The following CPLANE1 variants were observed in gnomAD, a reference collection of about 807,000 sequenced individuals.
CPLANE1 encodes ciliogenesis and planar polarity effector 1.
Under a neutral mutation model 362.5 loss-of-function variants are expected in CPLANE1, and 263 were observed. That is an observed-to-expected ratio of 0.73 (90% CI 0.66 to 0.80). CPLANE1 has a LOEUF of 0.80. Among genes scored for constraint, CPLANE1 ranks in the 30% least tolerant of loss-of-function variants. CPLANE1 has a pLI of 0.00. For missense variants in CPLANE1, 3,461 were observed against 3,793.4 expected (o/e 0.91, Z 2.30); for synonymous variants, 1,212 against 1,302.6 (o/e 0.93, Z 1.50).
At chr5:37,158,436 AAAC>A (rs1775814013) in intron 38 of CPLANE1, 91 bp from the exon 39 acceptor site, 3 of 1,239,036 alleles carry the variant, frequency 2.4e-6, no homozygotes, top group Admixed American at 2.6e-5. Context: ...AGTTAGCAAC[AAAC>A]AACATAAATT....
chr5:37,137,629 C>T (rs985478125), intron 46 of CPLANE1, among the ~76,000 whole-genome samples: 16 of 152,164 alleles, frequency 1.1e-4, no homozygotes, highest in African/African-American at 3.9e-4. Flanking sequence ...GCTGGGGAGG[C>T]CTCAGGAAAC....
At chr5:37,150,385 T>G (rs1381290068) in intron 42 of CPLANE1, among the ~76,000 whole-genome samples, 1 of 152,148 alleles carries the variant, frequency 6.6e-6, no homozygotes, top group Non-Finnish European at 1.5e-5. Flanking sequence ...CCTAACTGAT[T>G]ACTCCAAAAT....
intron 32 of CPLANE1, among the ~76,000 whole-genome samples, chr5:37,171,406 A>C (rs1026220750): frequency 6.6e-6 from 1 of 152,132 alleles, no homozygotes; most frequent in Non-Finnish European, 1.5e-5. Flanking sequence ...TAGGATAGGG[A>C]TCTGAGAATT....
intron 43 of CPLANE1, among the ~76,000 whole-genome samples, chr5:37,147,274 A>C (rs965061448): frequency 6.6e-6 from 1 of 152,248 alleles, no homozygotes; most frequent in Admixed American, 6.5e-5. Context: ...AAATTTTAAC[A>C]AATATCTAAG....
At chr5:37,173,460 G>T (rs926434396) in intron 32 of CPLANE1, among the ~76,000 whole-genome samples, 1 of 151,902 alleles carries the variant, frequency 6.6e-6, no homozygotes, top group Non-Finnish European at 1.5e-5. Flanking sequence ...TTTTTTCCTA[G>T]TAGAATTTTT....
At chr5:37,187,100 T>C (rs1273986650) in intron 23 of CPLANE1, among the ~76,000 whole-genome samples, 2 of 143,362 alleles carry the variant, frequency 1.4e-5, no homozygotes, top group Non-Finnish European at 3.0e-5. Context: ...ATAGTCACTA[T>C]ATTGTACATT....
intron 16 of CPLANE1, among the ~76,000 whole-genome samples, chr5:37,208,882 A>T (rs1791697232): frequency 6.6e-6 from 1 of 152,130 alleles, no homozygotes; most frequent in Admixed American, 6.6e-5. Flanking sequence ...CCCGTAAAAG[A>T]ACAAGTACTT....
the CPLANE1 span, among the ~76,000 whole-genome samples, chr5:37,093,918 A>G: frequency 6.6e-6 from 1 of 152,086 alleles, no homozygotes; most frequent in Non-Finnish European, 1.5e-5. Flanking sequence ...ATTAACAGGA[A>G]TGTAGAGTAG....
Position 37,169,090 on chromosome 5 carries a change from G to C in CPLANE1, c.6934C>G (p.Pro2312Ala). ...TWAETVITEIPNHVNLDQYVG... is the reference protein window; with the variant it reads ...TWAETVITEIANHVNLDQYVG... ...TATTGATCCAAGTTCACATGATTAG[G>C]AATTTCTGTAATTACAGTTTCTGCC... Residue 2312 changes from proline (P) to alanine (A), a missense_variant, in exon 34 of 53, where the codon CCT becomes GCT. This residue lies in a region of CPLANE1 where 3,380 missense variants were observed against 3,666.1 expected (regional missense o/e 0.92). Coordinates refer to ENST00000651892, the MANE Select transcript of CPLANE1 (RefSeq NM_001384732.1). 6.2e-7 allele frequency: 1 copy of C among 1,614,094 alleles called. No individual in the cohort carries two copies. Among genetic ancestry groups the C allele is most frequent in the African/African-American group, 1.3e-5 (1 of 75,018 alleles).
At chr5:37,245,008 C>T (rs899834669) in intron 4 of CPLANE1, among the ~76,000 whole-genome samples, 26 of 151,828 alleles carry the variant, frequency 1.7e-4, no homozygotes, top group African/African-American at 6.0e-4. Flanking sequence ...AAAAATTAGC[C>T]GGGCATGGTG....
At chr5:37,138,610 C>T in intron 46 of CPLANE1, 110 bp downstream of exon 46, 1 of 1,215,416 alleles carries the variant, frequency 8.2e-7, no homozygotes, top group African/African-American at 1.5e-5. Flanking sequence ...AAAATCTATT[C>T]TAAGCTTCAG....
intron 28 of CPLANE1, 36 bp downstream of exon 28, chr5:37,179,981 T>A (rs747631181): frequency 2.1e-6 from 3 of 1,456,838 alleles, no homozygotes; most frequent in South Asian, 1.4e-5. Context: ...TTCAAATTAA[T>A]AAAGCCAAAA....
At position 37,209,340 on chromosome 5, in the gene CPLANE1, G is replaced by A; in HGVS notation, c.2921-2915C>T. On this transcript the variant is annotated intron_variant, in intron 16 of 52. Coordinates refer to ENST00000651892, the MANE Select transcript of CPLANE1 (RefSeq NM_001384732.1). The surrounding 1 kb of genome is among the most constrained non-coding windows in gnomAD (Gnocchi z 4.6). ...GGGCCACGGCGGGGCGAGCGAGGCG[G>A]GCTCCGGAGGAAGCTGACGGCTGAT... is the stretch of plus-strand genomic sequence containing the variant. 1.1e-6 allele frequency: 1 copy of A among 911,892 alleles called. No individual in the cohort carries two copies. Among genetic ancestry groups the A allele is most frequent in the Non-Finnish European group, 1.8e-6 (1 of 544,512 alleles). 56.5% of individuals were successfully genotyped at this position (911,892 alleles called of 1,614,324 possible).
chr5:37,147,715 A>G (rs1280576417), intron 43 of CPLANE1, among the ~76,000 whole-genome samples: 2 of 152,124 alleles, frequency 1.3e-5, no homozygotes, highest in African/African-American at 2.4e-5. Flanking sequence ...GACACAGCAG[A>G]AGGTAAAAAC....
chr5:37,163,722 G>GC (rs1777490763), intron 37 of CPLANE1, among the ~76,000 whole-genome samples: 1 of 152,088 alleles, frequency 6.6e-6, no homozygotes, highest in African/African-American at 2.4e-5. Flanking sequence ...TATGCTAGAG[G>GC]TGTCTCTTTG....
chr5:37,184,344 G>A (rs1273046476), intron 25 of CPLANE1, among the ~76,000 whole-genome samples: 1 of 151,790 alleles, frequency 6.6e-6, no homozygotes, highest in Non-Finnish European at 1.5e-5. Context: ...TGGCCACCTG[G>A]GCTGAAAGCA....
At chr5:37,090,215 C>T in the CPLANE1 span, among the ~76,000 whole-genome samples, 9 of 152,152 alleles carry the variant, frequency 5.9e-5, no homozygotes, top group East Asian at 1.5e-3. Flanking sequence ...GCAGCTAGAT[C>T]GCATTGATCC....
At chr5:37,154,833 C>A (rs902602008) in intron 41 of CPLANE1, among the ~76,000 whole-genome samples, 1 of 152,138 alleles carries the variant, frequency 6.6e-6, no homozygotes, top group African/African-American at 2.4e-5. Flanking sequence ...ATATCCTGAA[C>A]ATCCCAGTTA....
chr5:37,184,728 T>C (rs922718974), intron 25 of CPLANE1, 60 bp downstream of exon 25: 6 of 1,466,060 alleles, frequency 4.1e-6, no homozygotes, highest in African/African-American at 2.8e-5. Context: ...GCTCATCAGA[T>C]GCCTGAAAGC....
Sources: gnomAD v4.1 joint callset for allele counts (sites outside exome capture counted in the v4.1 genomes callset) on GRCh38, gnomAD v4.1.1 for gene constraint, gnomAD v4.1.1 regional missense constraint, Gnocchi (gnomAD v3.1) non-coding constraint, MANE v1.5 for transcripts, NCBI Gene and HGNC (gene_info 2026-07-23, HGNC 2026-07-21) for gene names.